BMS1: variants seen among roughly 807,000 people sequenced by gnomAD.
BMS1 encodes the protein ribosome biogenesis protein BMS1 homolog.
Under a neutral mutation model 138.7 loss-of-function variants are expected in BMS1, and 53 were observed. The observed-to-expected ratio is 0.38, with a 90% confidence interval of 0.31 to 0.48. The LOEUF is 0.48. BMS1 is among the 20% of genes least tolerant of loss of function. BMS1 has a pLI of 0.97. For synonymous variants in BMS1, 504 were observed against 539.9 expected (o/e 0.93, Z 0.92); for missense variants, 1,360 against 1,565.5 (o/e 0.87, Z 2.22).
At chr10:42,783,999 T>G (rs923267601) in intron 1 of BMS1, among the ~76,000 whole-genome samples, 1 of 152,192 alleles carries the variant, frequency 6.6e-6, no homozygotes, top group African/African-American at 2.4e-5. Flanking sequence ...TAAAAACTCA[T>G]TTTTTCAGTT....
Position 42,830,273 on chromosome 10 carries a change from C to T in BMS1, c.3469C>T (p.Gln1157Ter). ...KDSLYKPILR[Q>*]KKHFNSLHIP... The stretch of plus-strand genomic sequence containing the variant: ...TTTTTCTTTTCAGCCAATCCTGAGG[C>T]AAAAGAAACATTTTAATTCACTGCA... The change falls in exon 22 of 23, where the codon CAA (glutamine) becomes TAA (stop). Residue 1157 changes from glutamine (Q) to a stop codon, truncating the protein, a stop_gained. Transcript: ENST00000374518. LOFTEE classifies it high-confidence loss of function. 1 of 1,611,842 alleles carries T rather than the reference C, an allele frequency of 6.2e-7. No homozygotes were observed. Among genetic ancestry groups the T allele is most frequent in the Non-Finnish European group, 8.5e-7 (1 of 1,179,494 alleles).
In BMS1 at chr10:42,833,548, T is replaced by C. The variant is rs1007560173; in HGVS notation, c.*2452T>C. ...CTGGGCAGCATGTGACTGTACTGAC[T>C]ACTGTAGGCAGTTGTAACACAGTGG... On this transcript the variant is annotated 3_prime_UTR_variant, in exon 23 of 23. Transcript: ENST00000374518. The C allele has an allele frequency of 5.9e-5, 9 of 152,228 alleles. No homozygotes were observed. Among genetic ancestry groups the C allele is most frequent in the African/African-American group, 1.9e-4 (8 of 41,456 alleles). The allele number at this position is 152,228 out of a possible 1,614,324, so 9.4% of individuals were successfully genotyped here.
intron 2 of BMS1, among the ~76,000 whole-genome samples, chr10:42,785,165 T>G (rs1186659936): frequency 1.3e-5 from 2 of 152,196 alleles, no homozygotes; most frequent in African/African-American, 4.8e-5. Context: ...TACCTTTTGG[T>G]TTTTTAAAAA....
At position 42,796,689 on chromosome 10, in the gene BMS1, G is replaced by A. The variant is rs375790331; in HGVS notation, c.1445G>A (p.Gly482Asp). The stretch of plus-strand genomic sequence containing the variant: ...ACTGATCAGTATATGGCTGTTAAGG[G>A]CATCAAACGACGGAAACTTGAGTTG... The part of the protein sequence containing the change: ...EMTDQYMAVK[G>D]IKRRKLELEE... The change falls in exon 10 of 23, where the codon GGC becomes GAC. Residue 482 changes from glycine to aspartate, a missense_variant. By Grantham distance (94) the Gly-to-Asp change is moderately conservative (BLOSUM62 -1). Around this residue, in one of 3 missense-constraint regions of BMS1, gnomAD observed 697 missense variants for 686.2 expected, o/e 1.02. Transcript: ENST00000374518. 2.2e-5 allele frequency: 35 copies of A among 1,614,096 alleles called. No individual in the cohort carries two copies. The highest frequency in any genetic ancestry group is 2.9e-5 in the Non-Finnish European group (34 of 1,180,052).
chr10:42,797,287 A>G (rs1841720187), intron 10 of BMS1, 56 bp downstream of exon 10: 4 of 1,578,764 alleles, frequency 2.5e-6, no homozygotes, highest in Non-Finnish European at 3.4e-6. Context: ...AATGGTAACC[A>G]AAGGAATGTC....
rs944233584 is a variant in BMS1, at chr10:42,799,057, A to G, written c.2247+432A>G. On this transcript the variant is annotated intron_variant, in intron 12 of 22. Coordinates refer to ENST00000374518, the MANE Select transcript of BMS1 (RefSeq NM_014753.4). ...CCATTTTGTAGTCACACTGGAATTC[A>G]TTCAGTACTCAAACTCACCACAGCT... Among the ~76,000 whole-genome samples, 4 of 152,156 alleles carry G rather than the reference A, an allele frequency of 2.6e-5. No homozygotes were observed. In the South Asian group the frequency reaches 8.3e-4, roughly 32 times the overall value.
intron 13 of BMS1, among the ~76,000 whole-genome samples, chr10:42,815,206 T>C (rs78149644): frequency 1.3e-5 from 2 of 152,216 alleles, no homozygotes; most frequent in Non-Finnish European, 2.9e-5. Context: ...TGAGGACATA[T>C]CATTATTCAG....
In BMS1 at chr10:42,797,025, C is replaced by G; in HGVS notation, c.1781C>G (p.Ser594Cys). ...GAGGTGTTTGCATCTGAAGATGAAT[C>G]TGAAGAAAGCTCCTCACTCAGTGCA... ...AEEVFASEDESEESSSLSAEE... is the reference protein window; with the variant it reads ...AEEVFASEDECEESSSLSAEE... The change falls in exon 10 of 23, where the codon TCT (serine) becomes TGT (cysteine). Residue 594 changes from serine to cysteine, a missense_variant. By Grantham distance (112) the Ser-to-Cys change is moderately radical. Transcript: ENST00000374518. 2 of 1,614,112 alleles carry G rather than the reference C, an allele frequency of 1.2e-6. No homozygotes were observed. Among genetic ancestry groups the G allele is most frequent in the Non-Finnish European group, 8.5e-7 (1 of 1,179,996 alleles).
At chr10:42,824,152 T>C (rs942623572) in intron 21 of BMS1, among the ~76,000 whole-genome samples, 5 of 152,218 alleles carry the variant, frequency 3.3e-5, no homozygotes, top group Non-Finnish European at 7.4e-5. Context: ...CAGGAACAGC[T>C]AAAATCTACT....
chr10:42,797,250 G>T lies in BMS1; in HGVS notation c.1987+19G>T. ...ACGTCAGGTAAGCTTAAATGTAGTT[G>T]GTTGCTGCTATGAACTTGGCTCTCG... is the stretch of plus-strand genomic sequence containing the variant. On this transcript the variant is annotated intron_variant, in intron 10 of 22. Coordinates refer to ENST00000374518, the MANE Select transcript of BMS1 (RefSeq NM_014753.4). 1 of 1,593,698 alleles carries T rather than the reference G, an allele frequency of 6.3e-7. No individual in the cohort carries two copies. Among genetic ancestry groups the T allele is most frequent in the Non-Finnish European group, 8.5e-7 (1 of 1,169,836 alleles).
intron 21 of BMS1, among the ~76,000 whole-genome samples, chr10:42,827,226 A>C (rs1842673208): frequency 6.6e-6 from 1 of 152,160 alleles, no homozygotes; most frequent in Non-Finnish European, 1.5e-5. Context: ...GAGGTGAAGC[A>C]GCACAAGACC....
intron 11 of BMS1, 61 bp from the exon 12 acceptor site, chr10:42,798,407 T>C (rs1841760873): frequency 1.3e-6 from 2 of 1,597,732 alleles, no homozygotes; most frequent in African/African-American, 1.3e-5. Context: ...TGGTTGAAAA[T>C]GATGAGTCCT....
intron 10 of BMS1, 84 bp from the exon 11 acceptor site, chr10:42,797,338 T>C (rs1589138234): frequency 1.3e-6 from 2 of 1,581,048 alleles, no homozygotes; most frequent in East Asian, 4.5e-5. Flanking sequence ...TTGTTAACTG[T>C]TGAAAAGCTG....
In BMS1 at chr10:42,823,740, G is replaced by A. The variant is rs780927382; in HGVS notation, c.3412G>A (p.Ala1138Thr). The A allele has an allele frequency of 1.1e-5, 18 of 1,595,428 alleles. No individual in the cohort carries two copies. Among genetic ancestry groups the A allele is most frequent in the Admixed American group, 6.7e-5 (4 of 59,836 alleles). Reference protein sequence around the residue: ...GMRTTGQLRLAHGVRLKANKD... With the variant: ...GMRTTGQLRLTHGVRLKANKD... ...GCGGACCACGGGCCAACTCAGGCTCGCCCATGGCGTCAGACTAAAGGCGAA... is the reference window on the plus strand; with the variant it reads ...GCGGACCACGGGCCAACTCAGGCTCACCCATGGCGTCAGACTAAAGGCGAA... The change falls in exon 21 of 23, where the codon GCC (alanine) becomes ACC (threonine). Residue 1138 changes from alanine (A) to threonine (T), a missense_variant. Transcript: ENST00000374518.
At chr10:42,820,047 C>G in intron 15 of BMS1, 189 bp from the exon 16 acceptor site, 1 of 268,010 alleles carries the variant, frequency 3.7e-6, no homozygotes, top group Non-Finnish European at 5.7e-6. Context: ...CCACCTCGGC[C>G]TCCCAAAGTG....
In BMS1 at chr10:42,823,275, T is replaced by C. The variant is rs1461186888; in HGVS notation, c.3280+10T>C. On this transcript the variant is annotated intron_variant, in intron 20 of 22. Transcript: ENST00000374518. ...AAGCTGCTGATGAGCGGTGAGTGTC[T>C]TGAGTAGTGTTCAGGGCAGGGTGTT... The C allele has an allele frequency of 1.2e-5, 18 of 1,558,300 alleles. No individual in the cohort carries two copies. Among genetic ancestry groups the C allele is most frequent in the Non-Finnish European group, 1.6e-5 (18 of 1,157,866 alleles).
At chr10:42,796,139 T>G (rs1177767125) in intron 9 of BMS1, among the ~76,000 whole-genome samples, 1 of 152,204 alleles carries the variant, frequency 6.6e-6, no homozygotes, top group Non-Finnish European at 1.5e-5. Flanking sequence ...GATCATGTGT[T>G]TTTAGCTTAG....
Position 42,793,901 on chromosome 10 carries a change from A to G in BMS1, c.1139A>G (p.His380Arg), listed in dbSNP as rs1251112680. Residue 380 changes from histidine (H) to arginine (R), a missense_variant, in exon 9 of 23, where the codon CAC becomes CGC. By Grantham distance (29) the His-to-Arg change is conservative. Coordinates refer to ENST00000374518, the MANE Select transcript of BMS1 (RefSeq NM_014753.4). ...CTGGTCCAGAGTCTCATCTCTACCC[A>G]CTCCACCATTGATGCCAAGATGGCT... is the stretch of plus-strand genomic sequence containing the variant. ...HELVQSLISTHSTIDAKMASS... is the reference protein window; with the variant it reads ...HELVQSLISTRSTIDAKMASS... 5 of 1,608,860 alleles carry G rather than the reference A, an allele frequency of 3.1e-6. No individual in the cohort carries two copies. The East Asian group carries it at 8.9e-5, about 29-fold the overall frequency.
At chr10:42,785,378 A>G (rs1461253067) in intron 2 of BMS1, 104 bp from the exon 3 acceptor site, 1 of 934,722 alleles carries the variant, frequency 1.1e-6, no homozygotes, top group Non-Finnish European at 1.6e-6. Flanking sequence ...AAGTACTCAT[A>G]GCTATAAGTG....
Sources: gnomAD v4.1 joint callset for allele counts (sites outside exome capture counted in the v4.1 genomes callset) on GRCh38, gnomAD v4.1.1 for gene constraint, gnomAD v4.1.1 regional missense constraint, MANE v1.5 for transcripts, NCBI Gene and HGNC (gene_info 2026-07-23, HGNC 2026-07-21) for gene names.